The following KLRG1 variants were observed in gnomAD, a reference collection of about 807,000 sequenced individuals.
The protein encoded by KLRG1 is killer cell lectin-like receptor subfamily G member 1.
In KLRG1, 16 loss-of-function variants were observed where a neutral mutation model predicts 21.8. That is an observed-to-expected ratio of 0.73 (90% CI 0.50 to 1.11). The LOEUF is 1.11. Ranked by LOEUF, KLRG1 falls within the 50% of genes most tolerant of loss-of-function variation. The probability of loss-of-function intolerance (pLI) is 0.00; values close to 1 mark genes in which losing one functional copy is unlikely to be tolerated. For synonymous variants in KLRG1, 69 were observed against 75.9 expected, an observed-to-expected ratio of 0.91 and a Z score of 0.47; for missense variants, 173 against 218.3, an observed-to-expected ratio of 0.79 and a Z score of 1.31.
At chr12:9,102,436 G>A in the KLRG1 span, among the ~76,000 whole-genome samples, 3 of 151,962 alleles carry the variant, frequency 2.0e-5, no homozygotes, top group South Asian at 2.1e-4. Flanking sequence ...GGCTCGTCTC[G>A]ATCTCCTGGC....
the KLRG1 span, among the ~76,000 whole-genome samples, chr12:9,143,070 C>T: frequency 6.6e-6 from 1 of 152,094 alleles, no homozygotes; most frequent in Non-Finnish European, 1.5e-5. Context: ...GCTTGGACAT[C>T]GATTTTAGTT....
chr12:9,016,772 C>T, the KLRG1 span, among the ~76,000 whole-genome samples: 11 of 151,938 alleles, frequency 7.2e-5, no homozygotes, highest in Non-Finnish European at 7.4e-5. Flanking sequence ...CGTCACCACA[C>T]CTGGCTAATT....
the KLRG1 span, chr12:9,159,791 A>G: frequency 1.4e-6 from 1 of 710,924 alleles, no homozygotes; most frequent in Non-Finnish European, 2.3e-6. Context: ...ATCAGCCTTC[A>G]TAGCTATAAG....
chr12:9,195,554 C>T, the KLRG1 span, among the ~76,000 whole-genome samples: 1 of 151,732 alleles, frequency 6.6e-6, no homozygotes, highest in Non-Finnish European at 1.5e-5. Flanking sequence ...AGGGATCCTC[C>T]CACCTCAGCT....
chr12:9,119,555 A>G, the KLRG1 span, among the ~76,000 whole-genome samples: 2 of 152,190 alleles, frequency 1.3e-5, no homozygotes, highest in African/African-American at 4.8e-5. Flanking sequence ...AGGGGAGAAA[A>G]ACAACAGAGC....
intron 3 of KLRG1, among the ~76,000 whole-genome samples, chr12:9,000,738 T>C (rs1192362276): frequency 6.6e-6 from 1 of 152,246 alleles, no homozygotes; most frequent in Non-Finnish European, 1.5e-5. Flanking sequence ...ATGGATATAC[T>C]ACATTTTGTT....
At chr12:9,090,495 A>G in the KLRG1 span, 9 of 1,613,122 alleles carry the variant, frequency 5.6e-6, no homozygotes, top group Non-Finnish European at 7.6e-6. Flanking sequence ...GAAACCACAC[A>G]TAAGAAAGGG....
At chr12:9,158,943 T>G in the KLRG1 span, among the ~76,000 whole-genome samples, 1 of 152,164 alleles carries the variant, frequency 6.6e-6, no homozygotes, top group African/African-American at 2.4e-5. Context: ...ATTTCTTAGC[T>G]TACTTTCTGT....
chr12:9,008,340 G>A (rs1157209436), intron 3 of KLRG1, among the ~76,000 whole-genome samples: 5 of 152,230 alleles, frequency 3.3e-5, no homozygotes, highest in Non-Finnish European at 7.3e-5. Flanking sequence ...AGGTAGAGAT[G>A]TAATATTATC....
the KLRG1 span, among the ~76,000 whole-genome samples, chr12:9,062,815 A>AT: frequency 1.1e-4 from 16 of 149,654 alleles, no homozygotes; most frequent in African/African-American, 3.2e-4. Flanking sequence ...GTGTTAGGTG[A>AT]TTTTTTATAC....
At chr12:9,215,261 T>G in the KLRG1 span, among the ~76,000 whole-genome samples, 1 of 152,128 alleles carries the variant, frequency 6.6e-6, no homozygotes, top group South Asian at 2.1e-4. Flanking sequence ...GTGTTATTCT[T>G]TTGTCAACTT....
the KLRG1 span, among the ~76,000 whole-genome samples, chr12:9,102,088 T>C: frequency 2.6e-5 from 4 of 152,168 alleles, no homozygotes; most frequent in African/African-American, 9.7e-5. Flanking sequence ...TTTGAATGGG[T>C]ATTATGAATA....
chr12:9,120,247 T>G, the KLRG1 span, among the ~76,000 whole-genome samples: 1 of 152,146 alleles, frequency 6.6e-6, no homozygotes, highest in Non-Finnish European at 1.5e-5. Flanking sequence ...GTTACCTGAG[T>G]AGCAAGTTCT....
chr12:8,975,554 C>A, intron 1 of KLRG1, among the ~76,000 whole-genome samples: 1 of 150,708 alleles, frequency 6.6e-6, no homozygotes, highest in East Asian at 1.9e-4. Flanking sequence ...CTCTTTTTTT[C>A]TTCTTTCTTT....
At chr12:9,150,632 TC>T in the KLRG1 span, 5 of 1,547,796 alleles carry the variant, frequency 3.2e-6, no homozygotes, top group Non-Finnish European at 4.4e-6. Flanking sequence ...GTTTCATTTT[TC>T]TTTCACTCAC....
the KLRG1 span, among the ~76,000 whole-genome samples, chr12:9,121,438 G>T: frequency 2.6e-5 from 4 of 152,102 alleles, no homozygotes; most frequent in Non-Finnish European, 5.9e-5. This position sits in a 1 kb window ranked among gnomAD's most constrained non-coding sequence, Gnocchi z 4.4. Context: ...CTGCACGGGA[G>T]ACTGATGCAC....
the KLRG1 span, chr12:9,196,656 T>C: frequency 6.8e-6 from 11 of 1,613,268 alleles, no homozygotes; most frequent in African/African-American, 1.5e-4. Flanking sequence ...TGGTGTGTAC[T>C]TGTTGGGTGA....
At chr12:9,159,866 G>C in the KLRG1 span, 4 of 1,304,202 alleles carry the variant, frequency 3.1e-6, no homozygotes, top group South Asian at 5.0e-5. Context: ...AACAGAAAAT[G>C]GACTAAGACA....
At chr12:8,973,770 A>G (rs754064442) in intron 1 of KLRG1, among the ~76,000 whole-genome samples, 26 of 151,758 alleles carry the variant, frequency 1.7e-4, no homozygotes, top group African/African-American at 6.0e-4. Flanking sequence ...TTTCAATTCA[A>G]CTCTTTGGCT....
Sources: allele counts gnomAD v4.1 joint callset (sites outside exome capture counted in the v4.1 genomes callset), GRCh38; gene constraint gnomAD v4.1.1; non-coding constraint Gnocchi (gnomAD v3.1); transcripts MANE v1.5; gene names NCBI Gene and HGNC (gene_info 2026-07-23, HGNC 2026-07-21).